Variants in ONECUT2 observed in about 807,000 individuals in gnomAD.
The protein encoded by ONECUT2 is one cut homeobox 2, also known as one cut domain family member 2.
Under a neutral mutation model 27.9 loss-of-function variants are expected in ONECUT2, and 10 were observed. The ratio of observed to expected loss-of-function variants is 0.36; its 90% CI spans 0.22 to 0.61. The LOEUF (loss-of-function observed/expected upper bound fraction) is 0.61. Among genes scored for constraint, ONECUT2 ranks in the 20% least tolerant of loss-of-function variants. The pLI is 0.73. For synonymous variants in ONECUT2, 334 were observed against 315.1 expected (o/e 1.06, Z -0.64); for missense variants, 686 against 721.0 (o/e 0.95, Z 0.56).
intron 1 of ONECUT2, among the ~76,000 whole-genome samples, chr18:57,448,033 G>T (rs2050210365): frequency 6.6e-6 from 1 of 151,960 alleles, no homozygotes; most frequent in African/African-American, 2.4e-5. Context: ...ACTGACCCCT[G>T]ACTCTGGCCT....
At chr18:57,465,161 G>A (rs1022232150) in intron 1 of ONECUT2, among the ~76,000 whole-genome samples, 11 of 151,734 alleles carry the variant, frequency 7.2e-5, no homozygotes, top group African/African-American at 2.2e-4. Context: ...TGCGGGGGGC[G>A]GGGGTTGTTT....
At position 57,482,777 on chromosome 18, in the gene ONECUT2, A is replaced by G. The variant is rs927129598; in HGVS notation, c.*6054A>G. 3.3e-5 allele frequency: 5 copies of G among 152,254 alleles called. No individual in the cohort carries two copies. The highest frequency in any genetic ancestry group is 1.2e-4 in the African/African-American group (5 of 41,470). 9.4% of individuals were successfully genotyped at this position (152,254 alleles called of 1,614,324 possible). On this transcript the variant is annotated 3_prime_UTR_variant, in exon 2 of 2. Transcript: ENST00000491143. ...GTGTACATACAAGTGTGTACAGACAAGCTTCATACGTATATACTGTAATCC... is the reference window on the plus strand; with the variant it reads ...GTGTACATACAAGTGTGTACAGACAGGCTTCATACGTATATACTGTAATCC...
chr18:57,461,354 A>G (rs1052406500), intron 1 of ONECUT2, among the ~76,000 whole-genome samples: 2 of 152,182 alleles, frequency 1.3e-5, no homozygotes, highest in Non-Finnish European at 2.9e-5. Flanking sequence ...GTCAATGAGC[A>G]TTTGGATTGT....
rs577600301 is a variant in ONECUT2, at chr18:57,466,452, C to T, written c.1229-9985C>T. ...AGTTGAAGAAGCTGCCCCATGCTCT[C>T]CTAGCCATTTTAAGCCAGATGTTTG... On this transcript the variant is annotated intron_variant, in intron 1 of 1. Transcript: ENST00000491143. Among the ~76,000 whole-genome samples the T allele has an allele frequency of 1.6e-4, 25 of 152,322 alleles. No individual in the cohort carries two copies. In the South Asian group the frequency reaches 5.2e-3, roughly 32 times the overall value.
In ONECUT2 at chr18:57,485,389, C is replaced by T. The variant is rs2050433144; in HGVS notation, c.*8666C>T. On this transcript the variant is annotated 3_prime_UTR_variant, in exon 2 of 2. Transcript: ENST00000491143. ...TAAATGAAAAATGACCCCAAAATTA[C>T]AGAGGAATATGCCAGTTTAAGAAAT... 1 of 152,196 alleles carries T rather than the reference C, an allele frequency of 6.6e-6. No homozygotes were observed. The highest frequency in any genetic ancestry group is 1.5e-5 in the Non-Finnish European group (1 of 68,032). 9.4% of individuals were successfully genotyped at this position (152,196 alleles called of 1,614,324 possible). A position where few individuals can be genotyped will look rare whatever the true frequency, so the allele number is the denominator to read the frequency against.
At chr18:57,473,388 GAGA>G (rs1306905279) in intron 1 of ONECUT2, among the ~76,000 whole-genome samples, 2 of 152,236 alleles carry the variant, frequency 1.3e-5, no homozygotes, top group Non-Finnish European at 2.9e-5. Context: ...GTAATACAAT[GAGA>G]AGGAGAGTAT....
chr18:57,444,733 A>G (rs551625736), intron 1 of ONECUT2, among the ~76,000 whole-genome samples: 2 of 152,338 alleles, frequency 1.3e-5, no homozygotes, highest in South Asian at 2.1e-4. Flanking sequence ...TATTGATCCA[A>G]CCTTTCCCTT....
rs1310487362 is a variant in ONECUT2 at position 57,486,122 on chromosome 18, T to TC, written c.*9403dup. 23 of 152,722 alleles carry TC rather than the reference T, an allele frequency of 1.5e-4. No individual in the cohort carries two copies. The highest frequency in any genetic ancestry group is 9.8e-4 in the Admixed American group (15 of 15,260). 9.5% of individuals were successfully genotyped at this position (152,722 alleles called of 1,614,324 possible). A position where few individuals can be genotyped will look rare whatever the true frequency, so the allele number is the denominator to read the frequency against. On this transcript the variant is annotated 3_prime_UTR_variant, in exon 2 of 2. Coordinates refer to ENST00000491143, the MANE Select transcript of ONECUT2 (RefSeq NM_004852.3). ...GATGGCAGCCTGAACACAGAAAACATCCCCACTTGGCAGACCTCTCCTCAG... is the reference window on the plus strand; with the variant it reads ...GATGGCAGCCTGAACACAGAAAACATCCCCCACTTGGCAGACCTCTCCTCAG...
rs1303892852 is a variant in ONECUT2 at position 57,478,926 on chromosome 18, T to A, written c.*2203T>A. On this transcript the variant is annotated 3_prime_UTR_variant, in exon 2 of 2. Transcript: ENST00000491143. Reference sequence around the variant, plus strand: ...TTTATTGTTTCATTTCAATTTTGTCTTATGGTTTTTTGCCCCAACATGGAA... The same window carrying A: ...TTTATTGTTTCATTTCAATTTTGTCATATGGTTTTTTGCCCCAACATGGAA... 6.6e-6 allele frequency: 1 copy of A among 152,602 alleles called. No homozygotes were observed. Among genetic ancestry groups the A allele is most frequent in the African/African-American group, 2.4e-5 (1 of 41,468 alleles). 9.5% of individuals were successfully genotyped at this position (152,602 alleles called of 1,614,324 possible).
intron 1 of ONECUT2, among the ~76,000 whole-genome samples, chr18:57,447,862 T>A (rs1463753543): frequency 1.3e-5 from 2 of 152,184 alleles, no homozygotes; most frequent in African/African-American, 4.8e-5. Context: ...GAAACTGGAT[T>A]TGATTTCTTG....
At chr18:57,459,556 T>C (rs1206509933) in intron 1 of ONECUT2, among the ~76,000 whole-genome samples, 1 of 152,334 alleles carries the variant, frequency 6.6e-6, no homozygotes, top group Non-Finnish European at 1.5e-5. Context: ...ATTCATCTTT[T>C]TTATTATTTA....
chr18:57,474,035 G>A (rs2050368364), intron 1 of ONECUT2, among the ~76,000 whole-genome samples: 1 of 152,186 alleles, frequency 6.6e-6, no homozygotes, highest in Non-Finnish European at 1.5e-5. Context: ...AAAAGAATGA[G>A]TTTTAAGATG....
At chr18:57,466,191 A>C (rs1419939389) in intron 1 of ONECUT2, among the ~76,000 whole-genome samples, 1 of 152,180 alleles carries the variant, frequency 6.6e-6, no homozygotes, top group African/African-American at 2.4e-5. Context: ...CTCTTTCAAA[A>C]GGCAGCACCT....
In ONECUT2 at chr18:57,481,855, C is replaced by T. The variant is rs1026213613; in HGVS notation, c.*5132C>T. ...CAAGGCCCAGGCACAACTACCTTGG[C>T]GATAATCTTCTAGATTCGTAACAGG... On this transcript the variant is annotated 3_prime_UTR_variant, in exon 2 of 2. Transcript: ENST00000491143. 1.3e-5 allele frequency: 2 copies of T among 152,114 alleles called. No individual in the cohort carries two copies. The highest frequency in any genetic ancestry group is 2.9e-5 in the Non-Finnish European group (2 of 68,022). 9.4% of individuals were successfully genotyped at this position (152,114 alleles called of 1,614,324 possible).
At chr18:57,452,362 T>C (rs145758213) in intron 1 of ONECUT2, among the ~76,000 whole-genome samples, 3 of 152,214 alleles carry the variant, frequency 2.0e-5, no homozygotes, top group African/African-American at 7.2e-5. Context: ...AGTGTCCCAA[T>C]GGGAGATCCC....
At chr18:57,445,479 T>G (rs1164257950) in intron 1 of ONECUT2, among the ~76,000 whole-genome samples, 1 of 152,266 alleles carries the variant, frequency 6.6e-6, no homozygotes, top group Non-Finnish European at 1.5e-5. Flanking sequence ...TTTTCCTGTC[T>G]AAATAACATC....
chr18:57,460,687 CT>C (rs66773926), intron 1 of ONECUT2, among the ~76,000 whole-genome samples: 8,042 of 112,766 alleles, frequency 0.071, 115 homozygotes, highest in East Asian at 0.27. Flanking sequence ...TCATTCAAAT[CT>C]TTTTTTTTTT....
At position 57,490,231 on chromosome 18, in the gene ONECUT2, C is replaced by G. The variant is rs1320967482; in HGVS notation, c.*13508C>G. On this transcript the variant is annotated 3_prime_UTR_variant, in exon 2 of 2. Coordinates refer to ENST00000491143, the MANE Select transcript of ONECUT2 (RefSeq NM_004852.3). ...GGTCAGTGAATTATTACAAGAGGAGCTATCCTTCCACCAAAGTGAGTGAAA... is the reference window on the plus strand; with the variant it reads ...GGTCAGTGAATTATTACAAGAGGAGGTATCCTTCCACCAAAGTGAGTGAAA... The G allele has an allele frequency of 2.0e-5, 3 of 152,144 alleles. No homozygotes were observed. Among genetic ancestry groups the G allele is most frequent in the African/African-American group, 4.8e-5 (2 of 41,444 alleles). 9.4% of individuals were successfully genotyped at this position (152,144 alleles called of 1,614,324 possible). A position where few individuals can be genotyped will look rare whatever the true frequency, so the allele number is the denominator to read the frequency against.
At chr18:57,455,069 C>T (rs1288031420) in intron 1 of ONECUT2, among the ~76,000 whole-genome samples, 2 of 152,142 alleles carry the variant, frequency 1.3e-5, no homozygotes, top group Admixed American at 1.3e-4. Flanking sequence ...TATAGACACC[C>T]CGGTGGTCAT....
Sources: allele counts gnomAD v4.1 joint callset (sites outside exome capture counted in the v4.1 genomes callset), GRCh38; gene constraint gnomAD v4.1.1; transcripts MANE v1.5; gene names NCBI Gene and HGNC (gene_info 2026-07-23, HGNC 2026-07-21).